The following FER1L6 variants were observed in gnomAD, a reference collection of about 807,000 sequenced individuals.
FER1L6 encodes fer-1 like family member 6.
A neutral mutation model predicts 219.2 loss-of-function variants in FER1L6; 177 were observed. The ratio of observed to expected loss-of-function variants is 0.81; its 90% CI spans 0.71 to 0.91. The LOEUF is 0.91. Ranked by LOEUF, FER1L6 falls within the 40% of genes least tolerant of loss-of-function variation. The probability of loss-of-function intolerance (pLI) is 0.00; values close to 1 mark genes in which losing one functional copy is unlikely to be tolerated. For synonymous variants in FER1L6, 768 were observed against 824.3 expected (o/e 0.93, Z 1.17); for missense variants, 2,153 against 2,259.9 (o/e 0.95, Z 0.96).
intron 32 of FER1L6, among the ~76,000 whole-genome samples, chr8:124,079,899 CCTT>C (rs1354823242): frequency 1.3e-5 from 2 of 152,142 alleles, no homozygotes; most frequent in African/African-American, 2.4e-5. Flanking sequence ...CCCTGTGAAA[CCTT>C]CTGTTGTCAC....
At chr8:123,937,187 G>A (rs544935622) in intron 1 of FER1L6, among the ~76,000 whole-genome samples, 7 of 152,190 alleles carry the variant, frequency 4.6e-5, no homozygotes, top group African/African-American at 7.2e-5. Context: ...GATTACAGGC[G>A]TGAGCCACCA....
chr8:123,963,536 G>A, intron 3 of FER1L6, 138 bp downstream of exon 3: 1 of 893,152 alleles, frequency 1.1e-6, no homozygotes, highest in Non-Finnish European at 1.7e-6. Flanking sequence ...AAGGCAGGAA[G>A]ACTGTGTCAG....
At position 124,119,619 on chromosome 8, in the gene FER1L6, C is replaced by T. The variant is rs1391129364; in HGVS notation, c.5403C>T (p.Thr1801=). The T allele has an allele frequency of 1.9e-6, 3 of 1,612,428 alleles. No homozygotes were observed. The highest frequency in any genetic ancestry group is 2.5e-6 in the Non-Finnish European group (3 of 1,178,670). ...CCTTCCCCCTCAGCCGCCCAGACAC[C>T]TCCTTTTCGTGGTTCATGAGCCCCT... ...EPLAKPNRPD[T]SFSWFMSPFK... Residue 1801 remains threonine (T), a synonymous_variant, in exon 41 of 41, where the codon ACC becomes ACT. Coordinates refer to ENST00000522917, the MANE Select transcript of FER1L6 (RefSeq NM_001039112.2).
intron 12 of FER1L6, among the ~76,000 whole-genome samples, chr8:123,997,820 G>T (rs1817204073): frequency 6.6e-6 from 1 of 151,942 alleles, no homozygotes; most frequent in African/African-American, 2.4e-5. Flanking sequence ...CAGTATGTTG[G>T]TTGCATTTTT....
At chr8:124,059,918 C>A (rs1192011445) in intron 22 of FER1L6, among the ~76,000 whole-genome samples, 1 of 152,002 alleles carries the variant, frequency 6.6e-6, no homozygotes, top group East Asian at 1.9e-4. Flanking sequence ...TTTCTCTCTC[C>A]CCTCTATACT....
intron 1 of FER1L6, among the ~76,000 whole-genome samples, chr8:123,892,485 G>A (rs937571749): frequency 2.3e-4 from 35 of 152,118 alleles, no homozygotes; most frequent in African/African-American, 8.2e-4. Context: ...TAGACATGGG[G>A]TTTCACTGCA....
intron 25 of FER1L6, among the ~76,000 whole-genome samples, chr8:124,063,015 C>T (rs921057366): frequency 1.1e-4 from 16 of 152,200 alleles, no homozygotes; most frequent in African/African-American, 3.4e-4. Context: ...CCTGTGGACA[C>T]AAATTAGTAT....
At chr8:123,884,799 C>T (rs1817170422) in intron 1 of FER1L6, among the ~76,000 whole-genome samples, 1 of 152,218 alleles carries the variant, frequency 6.6e-6, no homozygotes, top group African/African-American at 2.4e-5. Context: ...CTCCTCATTT[C>T]CTCTCTGCTG....
chr8:123,898,868 C>CACACACACAT (rs1358584081), intron 1 of FER1L6, among the ~76,000 whole-genome samples: 4 of 112,152 alleles, frequency 3.6e-5, no homozygotes, highest in African/African-American at 1.2e-4. Flanking sequence ...CACACACACA[C>CACACACACAT]ATATATATAT....
intron 12 of FER1L6, among the ~76,000 whole-genome samples, chr8:123,987,202 A>G (rs1488195764): frequency 6.6e-6 from 1 of 152,168 alleles, no homozygotes; most frequent in Non-Finnish European, 1.5e-5. Flanking sequence ...TTATTTGGAG[A>G]CAAGCCATTT....
At chr8:123,924,261 A>G (rs1034051412) in intron 1 of FER1L6, among the ~76,000 whole-genome samples, 7 of 138,480 alleles carry the variant, frequency 5.1e-5, no homozygotes, top group African/African-American at 1.4e-4. Flanking sequence ...AAAAAAGTAT[A>G]TGGCTGGGTG....
intron 1 of FER1L6, among the ~76,000 whole-genome samples, chr8:123,922,102 G>A (rs1813381087): frequency 6.6e-6 from 1 of 152,160 alleles, no homozygotes; most frequent in Non-Finnish European, 1.5e-5. Context: ...CCTCAGAGCC[G>A]TGCCTCCAGG....
intron 11 of FER1L6, among the ~76,000 whole-genome samples, chr8:123,981,171 C>T (rs536590849): frequency 9.2e-5 from 14 of 152,144 alleles, no homozygotes; most frequent in East Asian, 5.8e-4. Context: ...GAGTAAGCTC[C>T]GGATGGGAGA....
intron 25 of FER1L6, among the ~76,000 whole-genome samples, chr8:124,062,981 G>C (rs1490111304): frequency 6.6e-6 from 1 of 152,028 alleles, no homozygotes; most frequent in Non-Finnish European, 1.5e-5. Flanking sequence ...GTTTTGCTTT[G>C]GTTTGGTTTT....
intron 2 of FER1L6, 40 bp from the exon 3 acceptor site, chr8:123,963,238 T>G: frequency 6.2e-7 from 1 of 1,611,542 alleles, no homozygotes; most frequent in Middle Eastern, 1.7e-4. Flanking sequence ...CCACCACATG[T>G]CAATTTCACA....
At chr8:123,904,758 A>G (rs1280626463) in intron 1 of FER1L6, among the ~76,000 whole-genome samples, 3 of 152,220 alleles carry the variant, frequency 2.0e-5, no homozygotes, top group African/African-American at 2.4e-5. Context: ...CCAAGAGCAT[A>G]AGATAAAGTG....
Position 123,901,187 on chromosome 8 carries a change from T to C in FER1L6, c.-8+49002T>C, listed in dbSNP as rs371622159. ...ATTACCATTTCAATCTCACTGCTTGTTATTGGTCTGTTCAGGATATCTAAT... is the reference window on the plus strand; with the variant it reads ...ATTACCATTTCAATCTCACTGCTTGCTATTGGTCTGTTCAGGATATCTAAT... On this transcript the variant is annotated intron_variant, in intron 1 of 40. Transcript: ENST00000522917. Among the ~76,000 whole-genome samples the C allele has an allele frequency of 3.3e-5, 5 of 152,328 alleles. No individual in the cohort carries two copies. In the East Asian group the frequency reaches 7.7e-4, roughly 23 times the overall value.
At chr8:124,074,348 T>C (rs1203008608) in intron 31 of FER1L6, among the ~76,000 whole-genome samples, 1 of 152,126 alleles carries the variant, frequency 6.6e-6, no homozygotes, top group Non-Finnish European at 1.5e-5. Context: ...ATTTGCCCAA[T>C]ATCACACACT....
chr8:123,974,714 C>T (rs1251153054), intron 7 of FER1L6, among the ~76,000 whole-genome samples: 1 of 131,898 alleles, frequency 7.6e-6, no homozygotes, highest in Non-Finnish European at 1.7e-5. Context: ...CAGAATTTAC[C>T]ATTTTTAAAG....
Sources: gnomAD v4.1 joint callset for allele counts (sites outside exome capture counted in the v4.1 genomes callset) on GRCh38, gnomAD v4.1.1 for gene constraint, MANE v1.5 for transcripts, NCBI Gene and HGNC (gene_info 2026-07-23, HGNC 2026-07-21) for gene names.